ATAD2B: variants seen among roughly 807,000 people sequenced by gnomAD.
ATAD2B encodes ATPase family AAA domain-containing protein 2B.
Under a neutral mutation model 167.6 loss-of-function variants are expected in ATAD2B, and 40 were observed. That is an observed-to-expected ratio of 0.24 (90% CI 0.19 to 0.31). ATAD2B has a LOEUF of 0.31. Among genes scored for constraint, ATAD2B ranks in the 10% least tolerant of loss-of-function variants. ATAD2B has a pLI of 1.00. For missense variants in ATAD2B, 1,242 were observed against 1,757.2 expected (o/e 0.71, Z 5.24); for synonymous variants, 579 against 596.5 (o/e 0.97, Z 0.43).
At chr2:23,764,673 G>C (rs1412832561) in intron 23 of ATAD2B, among the ~76,000 whole-genome samples, 2 of 152,166 alleles carry the variant, frequency 1.3e-5, no homozygotes, top group Non-Finnish European at 2.9e-5. Context: ...AGATTAGGTG[G>C]TCAGGGAAGA....
chr2:23,859,661 T>C (rs1457214060), intron 12 of ATAD2B, among the ~76,000 whole-genome samples: 2 of 152,128 alleles, frequency 1.3e-5, no homozygotes, highest in African/African-American at 2.4e-5. Flanking sequence ...TGAAATTTAA[T>C]TGCCGGCCGG....
At chr2:23,888,207 C>T in intron 3 of ATAD2B, 143 bp downstream of exon 3, 1 of 723,802 alleles carries the variant, frequency 1.4e-6, no homozygotes, top group Non-Finnish European at 2.2e-6. Context: ...CAATTACATA[C>T]TTTTTTTACT....
At chr2:23,912,747 T>A (rs1336984367) in intron 1 of ATAD2B, among the ~76,000 whole-genome samples, 1 of 152,084 alleles carries the variant, frequency 6.6e-6, no homozygotes, top group Admixed American at 6.6e-5. Flanking sequence ...TCCCAGCACT[T>A]TGGGAGGCCG....
chr2:23,790,288 T>A (rs1253150620), intron 19 of ATAD2B, among the ~76,000 whole-genome samples: 1 of 151,968 alleles, frequency 6.6e-6, no homozygotes, highest in African/African-American at 2.4e-5. Flanking sequence ...GTAACAGAGG[T>A]AGCAAAACAG....
chr2:23,880,772 AAAAAG>A lies in ATAD2B; in HGVS notation c.785-22_785-18del. The A allele has an allele frequency of 6.9e-7, 1 of 1,451,468 alleles. No individual in the cohort carries two copies. The highest frequency in any genetic ancestry group is 1.9e-5 in the Admixed American group (1 of 52,972). 89.9% of individuals were successfully genotyped at this position (1,451,468 alleles called of 1,614,324 possible). On this transcript the variant is annotated intron_variant, in intron 6 of 27. Coordinates refer to ENST00000238789, the MANE Select transcript of ATAD2B (RefSeq NM_017552.4). ...CTTGAGATTCTAGTTTCCCACACAC[AAAAAG>A]AAAAGAAAAAGGCATTATTTTAATT...
Position 23,752,010 on chromosome 2 carries a change from C to A in ATAD2B, c.*36G>T. ...GCTCAGAAGACTGCTCTGTGAGGAG[C>A]AGATTGGAGAGGATAAACCACTCAT... On this transcript the variant is annotated 3_prime_UTR_variant, in exon 28 of 28. Coordinates refer to ENST00000238789, the MANE Select transcript of ATAD2B (RefSeq NM_017552.4). The A allele has an allele frequency of 6.7e-7, 1 of 1,499,650 alleles. No individual in the cohort carries two copies. The highest frequency in any genetic ancestry group is 9.1e-7 in the Non-Finnish European group (1 of 1,097,880). 92.9% of individuals were successfully genotyped at this position (1,499,650 alleles called of 1,614,324 possible). A position where few individuals can be genotyped will look rare whatever the true frequency, so the allele number is the denominator to read the frequency against.
chr2:23,920,398 T>G (rs1482158770), intron 1 of ATAD2B, among the ~76,000 whole-genome samples: 2 of 152,238 alleles, frequency 1.3e-5, no homozygotes, highest in African/African-American at 4.8e-5. Flanking sequence ...ATGTGCACAT[T>G]TGCAGTACTG....
chr2:23,745,407 A>AAG (rs772962543), downstream of ATAD2B, among the ~76,000 whole-genome samples: 1 of 105,536 alleles, frequency 9.5e-6, no homozygotes, highest in Non-Finnish European at 2.1e-5. Flanking sequence ...GAAGGAAGGA[A>AAG]GGAAGGAAGG....
At chr2:23,789,139 G>T (rs905000251) in intron 19 of ATAD2B, among the ~76,000 whole-genome samples, 2 of 152,024 alleles carry the variant, frequency 1.3e-5, no homozygotes, top group Admixed American at 6.6e-5. Context: ...CCACTGCAAA[G>T]AAACTATACC....
chr2:23,692,717 C>T, the ATAD2B span, among the ~76,000 whole-genome samples: 8 of 151,528 alleles, frequency 5.3e-5, no homozygotes, highest in East Asian at 2.0e-4. Flanking sequence ...AAACAGGATA[C>T]GGAGATGGCT....
At chr2:23,870,534 C>G (rs893783493) in intron 8 of ATAD2B, among the ~76,000 whole-genome samples, 1 of 151,878 alleles carries the variant, frequency 6.6e-6, no homozygotes, top group Non-Finnish European at 1.5e-5. Context: ...GATCTACCCA[C>G]CTTGGCCTCC....
chr2:23,800,898 G>C (rs1210738918), intron 18 of ATAD2B, among the ~76,000 whole-genome samples: 2 of 151,908 alleles, frequency 1.3e-5, no homozygotes, highest in Admixed American at 6.5e-5. Flanking sequence ...AAATAAAAAG[G>C]CTTCGCCTTT....
intron 1 of ATAD2B, among the ~76,000 whole-genome samples, chr2:23,919,001 A>G (rs1181011380): frequency 6.6e-6 from 1 of 152,162 alleles, no homozygotes; most frequent in Non-Finnish European, 1.5e-5. Context: ...ACCTTGGTTT[A>G]CTCTTCTCCT....
rs375745655 is a variant in ATAD2B at position 23,882,590 on chromosome 2, C to T, written c.785-1835G>A. Reference sequence around the variant, plus strand: ...TTGGGAGGCCAAGGTGGGAGGATCACGAGGTCAGGAGATCGAGACCATCCT... The same window carrying T: ...TTGGGAGGCCAAGGTGGGAGGATCATGAGGTCAGGAGATCGAGACCATCCT... On this transcript the variant is annotated intron_variant, in intron 6 of 27. Coordinates refer to ENST00000238789, the MANE Select transcript of ATAD2B (RefSeq NM_017552.4). Among the ~76,000 whole-genome samples the T allele has an allele frequency of 2.7e-4, 41 of 150,044 alleles. 1 individual carries two copies. Among genetic ancestry groups the T allele is most frequent in the Non-Finnish European group, 7.4e-5 (5 of 67,760 alleles).
the ATAD2B span, among the ~76,000 whole-genome samples, chr2:23,716,958 G>A: frequency 6.6e-6 from 1 of 152,180 alleles, no homozygotes; most frequent in Admixed American, 6.5e-5. Context: ...GTGCTTGGCA[G>A]AAGAACACAC....
the ATAD2B span, chr2:23,689,151 C>T: frequency 6.6e-6 from 1 of 152,356 alleles, no homozygotes; most frequent in Non-Finnish European, 1.5e-5. Context: ...GAAAGAGCCC[C>T]CATCACATTC....
chr2:23,796,874 G>C (rs1468856182), intron 19 of ATAD2B, among the ~76,000 whole-genome samples: 1 of 152,086 alleles, frequency 6.6e-6, no homozygotes, highest in Non-Finnish European at 1.5e-5. Flanking sequence ...ATACGTTCAA[G>C]TATTTATCTA....
At position 23,926,443 on chromosome 2, in the gene ATAD2B, G is replaced by A. The variant is rs970819705; in HGVS notation, c.216+112C>T. 2.1e-5 allele frequency: 30 copies of A among 1,431,984 alleles called. No homozygotes were observed. In the African/African-American group the frequency reaches 3.7e-4, roughly 17 times the overall value. 88.7% of individuals were successfully genotyped at this position (1,431,984 alleles called of 1,614,324 possible). ...ACCGCGCCCGCAGACCCTGTCTCCAGCCGCCCGAGCGGTCTCCACTGTAGG... is the reference window on the plus strand; with the variant it reads ...ACCGCGCCCGCAGACCCTGTCTCCAACCGCCCGAGCGGTCTCCACTGTAGG... On this transcript the variant is annotated intron_variant, in intron 1 of 27. Transcript: ENST00000238789.
At chr2:23,682,070 A>T in the ATAD2B span, among the ~76,000 whole-genome samples, 1 of 148,188 alleles carries the variant, frequency 6.7e-6, no homozygotes, top group Non-Finnish European at 1.5e-5. This position sits in a 1 kb window ranked among gnomAD's most constrained non-coding sequence, Gnocchi z 4.1. Context: ...CTGATGTCCC[A>T]CCACCATCCC....
Sources: gnomAD v4.1 joint callset for allele counts (sites outside exome capture counted in the v4.1 genomes callset) on GRCh38, gnomAD v4.1.1 for gene constraint, Gnocchi (gnomAD v3.1) non-coding constraint, MANE v1.5 for transcripts, NCBI Gene and HGNC (gene_info 2026-07-23, HGNC 2026-07-21) for gene names.